The following DIRAS2 variants were observed in gnomAD, a reference collection of about 807,000 sequenced individuals.
DIRAS2 encodes DIRAS family GTPase 2, also known as GTP-binding protein Di-Ras2.
A neutral mutation model predicts 13.9 loss-of-function variants in DIRAS2; 5 were observed. The ratio of observed to expected loss-of-function variants is 0.36; its 90% confidence interval spans 0.19 to 0.76. The LOEUF (loss-of-function observed/expected upper bound fraction) is 0.76. Ranked by LOEUF, DIRAS2 falls within the 30% of genes least tolerant of loss-of-function variation. The pLI, the probability that DIRAS2 is intolerant of heterozygous loss-of-function variation, is 0.53. For missense variants in DIRAS2, 191 were observed against 263.0 expected, an observed-to-expected ratio of 0.73 and a Z score of 1.89; for synonymous variants, 111 against 105.4, an observed-to-expected ratio of 1.05 and a Z score of -0.33.
chr9:90,622,276 T>A (rs201876952), intron 1 of DIRAS2, among the ~76,000 whole-genome samples: 1 of 151,414 alleles, frequency 6.6e-6, no homozygotes, highest in Non-Finnish European at 1.5e-5. Flanking sequence ...ATACATACAT[T>A]CATACATACA....
At chr9:90,618,880 CA>C (rs1379522013) in intron 1 of DIRAS2, among the ~76,000 whole-genome samples, 2 of 152,174 alleles carry the variant, frequency 1.3e-5, no homozygotes, top group African/African-American at 4.8e-5. Flanking sequence ...AAAACTATAA[CA>C]AGCCTGTAAT....
chr9:90,637,583 C>A (rs2118586941), intron 1 of DIRAS2, among the ~76,000 whole-genome samples: 1 of 152,334 alleles, frequency 6.6e-6, no homozygotes, highest in African/African-American at 2.4e-5. Flanking sequence ...TGATCCCTTC[C>A]ATTGAAACAA....
intron 1 of DIRAS2, among the ~76,000 whole-genome samples, chr9:90,638,330 C>T (rs1825388568): frequency 6.6e-6 from 1 of 152,180 alleles, no homozygotes; most frequent in Non-Finnish European, 1.5e-5. Flanking sequence ...ACATGGTTTT[C>T]ATGATATTCA....
In DIRAS2 at chr9:90,612,944, C is replaced by T. The variant is rs1439364082; in HGVS notation, c.*284G>A. 4.6e-6 allele frequency: 2 copies of T among 431,804 alleles called. No homozygotes were observed. The highest frequency in any genetic ancestry group is 4.9e-5 in the East Asian group (1 of 20,480). 26.7% of individuals were successfully genotyped at this position (431,804 alleles called of 1,614,324 possible). On this transcript the variant is annotated 3_prime_UTR_variant, in exon 2 of 2. Coordinates refer to ENST00000375765, the MANE Select transcript of DIRAS2 (RefSeq NM_017594.5). Reference sequence around the variant, plus strand: ...GGGTACCAGTCCTCCCTCCCACCTTCGGGTGTTCATCGCCACCTTCAGCAA... The same window carrying T: ...GGGTACCAGTCCTCCCTCCCACCTTTGGGTGTTCATCGCCACCTTCAGCAA...
intron 1 of DIRAS2, among the ~76,000 whole-genome samples, chr9:90,615,384 C>A (rs542422513): frequency 9.3e-4 from 141 of 152,218 alleles, no homozygotes; most frequent in Non-Finnish European, 1.5e-3. Flanking sequence ...TCAATGCTAA[C>A]AGAAAATATA....
At chr9:90,624,551 C>T (rs147387748) in intron 1 of DIRAS2, among the ~76,000 whole-genome samples, 4 of 152,148 alleles carry the variant, frequency 2.6e-5, no homozygotes, top group Non-Finnish European at 4.4e-5. Flanking sequence ...CTTGGAATGG[C>T]GGGGATAGCA....
chr9:90,641,109 T>A (rs192813056), intron 1 of DIRAS2, among the ~76,000 whole-genome samples: 3,315 of 152,008 alleles, frequency 0.022, 53 homozygotes, highest in South Asian at 0.039. Context: ...ATAATTTTTT[T>A]AAAAAAAAGG....
At chr9:90,627,785 C>T (rs564817227) in intron 1 of DIRAS2, among the ~76,000 whole-genome samples, 4 of 152,170 alleles carry the variant, frequency 2.6e-5, no homozygotes, top group Admixed American at 6.5e-5. Flanking sequence ...CCATAACGAA[C>T]GTAATTGGCA....
chr9:90,610,155 C>T lies in DIRAS2; in HGVS notation c.*3073G>A. 3.1e-6 allele frequency: 1 copy of T among 322,568 alleles called. No homozygotes were observed. Among genetic ancestry groups the T allele is most frequent in the Non-Finnish European group, 5.5e-6 (1 of 180,832 alleles). The allele number at this position is 322,568 out of a possible 1,614,324, so 20.0% of individuals were successfully genotyped here. The stretch of plus-strand genomic sequence containing the variant: ...GAACTTATGTAGAAGCAACACATTA[C>T]AAATTTTGGGGAAAAAAATTAAGTA... On this transcript the variant is annotated 3_prime_UTR_variant, in exon 2 of 2. Transcript: ENST00000375765.
chr9:90,641,118 G>A (rs932570029), intron 1 of DIRAS2, among the ~76,000 whole-genome samples: 8 of 152,094 alleles, frequency 5.3e-5, no homozygotes, highest in African/African-American at 1.9e-4. Context: ...TTAAAAAAAA[G>A]GTCTCCTCCA....
chr9:90,619,495 G>C (rs1825199898), intron 1 of DIRAS2, among the ~76,000 whole-genome samples: 1 of 152,060 alleles, frequency 6.6e-6, no homozygotes, highest in Non-Finnish European at 1.5e-5. Context: ...ATACTCACTT[G>C]GATGGTTATA....
At chr9:90,624,807 C>T (rs963326714) in intron 1 of DIRAS2, among the ~76,000 whole-genome samples, 3 of 152,028 alleles carry the variant, frequency 2.0e-5, no homozygotes, top group African/African-American at 4.8e-5. Context: ...TTCGGCCTCC[C>T]GGGTTCAAGC....
chr9:90,629,980 A>G (rs1217092541), intron 1 of DIRAS2, among the ~76,000 whole-genome samples: 2 of 152,236 alleles, frequency 1.3e-5, no homozygotes, highest in African/African-American at 2.4e-5. Context: ...CAGCTCATTT[A>G]TGATTTGCTA....
intron 1 of DIRAS2, among the ~76,000 whole-genome samples, chr9:90,637,746 A>T (rs1301463412): frequency 1.3e-5 from 2 of 152,172 alleles, no homozygotes; most frequent in South Asian, 2.1e-4. Context: ...GGATGGTATT[A>T]TCTTAGATTA....
intron 1 of DIRAS2, among the ~76,000 whole-genome samples, chr9:90,636,884 C>G (rs1825376583): frequency 6.6e-6 from 1 of 152,184 alleles, no homozygotes; most frequent in South Asian, 2.1e-4. Context: ...GTCAAAAATG[C>G]ATTTAATACA....
At chr9:90,632,248 T>C (rs185824798) in intron 1 of DIRAS2, among the ~76,000 whole-genome samples, 1 of 152,248 alleles carries the variant, frequency 6.6e-6, no homozygotes, top group East Asian at 1.9e-4. Context: ...GGGGCTCTGC[T>C]CCACACCTTA....
intron 1 of DIRAS2, among the ~76,000 whole-genome samples, chr9:90,629,244 C>T (rs1825301988): frequency 1.3e-5 from 2 of 152,186 alleles, no homozygotes; most frequent in Admixed American, 6.5e-5. Context: ...TTCACACGGT[C>T]GGTACTGCTG....
At chr9:90,621,390 C>T (rs971802009) in intron 1 of DIRAS2, among the ~76,000 whole-genome samples, 1 of 151,942 alleles carries the variant, frequency 6.6e-6, no homozygotes, top group African/African-American at 2.4e-5. Flanking sequence ...ATGGCAGGTC[C>T]GTCTTCAAGG....
At chr9:90,615,220 C>G (rs1184478003) in intron 1 of DIRAS2, among the ~76,000 whole-genome samples, 2 of 152,182 alleles carry the variant, frequency 1.3e-5, no homozygotes, top group Non-Finnish European at 2.9e-5. Flanking sequence ...ATATGTTCTC[C>G]TGACAGACAG....
Sources: gnomAD v4.1 joint callset for allele counts (sites outside exome capture counted in the v4.1 genomes callset) on GRCh38, gnomAD v4.1.1 for gene constraint, MANE v1.5 for transcripts, NCBI Gene and HGNC (gene_info 2026-07-23, HGNC 2026-07-21) for gene names.